The following SLC41A3 variants were observed in gnomAD, a reference collection of about 807,000 sequenced individuals.
SLC41A3 encodes solute carrier family 41 member 3.
A neutral mutation model predicts 45.4 loss-of-function variants in SLC41A3; 44 were observed. That is an observed-to-expected ratio of 0.97 (90% CI 0.76 to 1.25). The LOEUF is 1.25. Ranked by LOEUF, SLC41A3 falls within the 50% of genes most tolerant of loss-of-function variation. The pLI is 0.00. For missense variants in SLC41A3, 550 were observed against 600.6 expected (o/e 0.92, Z 0.88); for synonymous variants, 256 against 252.4 (o/e 1.01, Z -0.13).
intron 1 of SLC41A3, among the ~76,000 whole-genome samples, chr3:126,070,690 A>G (rs961934374): frequency 2.0e-5 from 3 of 152,190 alleles, no homozygotes; most frequent in Non-Finnish European, 4.4e-5. Flanking sequence ...TTTCAGATAA[A>G]CAGACACAGA....
At chr3:126,064,650 G>T (rs1178430588) in intron 2 of SLC41A3, among the ~76,000 whole-genome samples, 1 of 152,076 alleles carries the variant, frequency 6.6e-6, no homozygotes, top group Non-Finnish European at 1.5e-5. Flanking sequence ...TTCTCTCTCT[G>T]CCCACATGAA....
intron 2 of SLC41A3, among the ~76,000 whole-genome samples, chr3:126,054,940 G>A (rs1453675019): frequency 2.0e-5 from 3 of 152,078 alleles, no homozygotes; most frequent in East Asian, 3.9e-4. Context: ...CTAATGGGGG[G>A]CTGGCCAGGA....
chr3:126,059,310 G>GAAAGAAAGAAAAGAAAGAGAAA (rs1553740822), intron 2 of SLC41A3, among the ~76,000 whole-genome samples: 1 of 88,080 alleles, frequency 1.1e-5, no homozygotes, highest in African/African-American at 4.4e-5. Flanking sequence ...AAGAAAGAAA[G>GAAAGAAAGAAAAGAAAGAGAAA]GAAGGATGAT....
chr3:126,060,931 G>A (rs1399762172), intron 2 of SLC41A3, among the ~76,000 whole-genome samples: 3 of 152,226 alleles, frequency 2.0e-5, no homozygotes, highest in Non-Finnish European at 4.4e-5. Flanking sequence ...AGGAGCTTCT[G>A]CAACAGGCCG....
Position 126,006,558 on chromosome 3 carries a change from C to A in SLC41A3, c.*458G>T. ...CACAGCAGCAGTGTGGCCCACGGAG[C>A]TTGAACCTGGTGAAGACAGCAAGTA... On this transcript the variant is annotated 3_prime_UTR_variant, in exon 11 of 11. Coordinates refer to ENST00000360370, the MANE Select transcript of SLC41A3 (RefSeq NM_017836.4). 1 of 1,598,950 alleles carries A rather than the reference C, an allele frequency of 6.3e-7. No individual in the cohort carries two copies. The highest frequency in any genetic ancestry group is 1.1e-5 in the South Asian group (1 of 87,452).
At chr3:126,048,043 A>C (rs1392952971) in intron 3 of SLC41A3, among the ~76,000 whole-genome samples, 2 of 152,202 alleles carry the variant, frequency 1.3e-5, no homozygotes, top group Non-Finnish European at 2.9e-5. Context: ...ACAACCAAAA[A>C]AACTAATTAA....
At chr3:126,080,625 C>A (rs369734669) in intron 1 of SLC41A3, among the ~76,000 whole-genome samples, 1 of 152,152 alleles carries the variant, frequency 6.6e-6, no homozygotes, top group Non-Finnish European at 1.5e-5. Flanking sequence ...CTAGTTCAGC[C>A]ACTATGGAGA....
chr3:126,066,572 G>A (rs527841350), intron 2 of SLC41A3, among the ~76,000 whole-genome samples: 1 of 152,288 alleles, frequency 6.6e-6, no homozygotes, highest in South Asian at 2.1e-4. Context: ...TGAGTGTTGG[G>A]AACAAGCATT....
At position 126,026,450 on chromosome 3, in the gene SLC41A3, A is replaced by G; in HGVS notation, c.483T>C (p.Ala161=). ...CGCCCAACAGCAGCGCAGCCACAGC[A>G]GCCAAGAGCCCCACGACAGTGGCCT... ...QVQATVVGLL[A]AVAALLLGVV... is the part of the protein sequence containing the mutation. The change falls in exon 5 of 11, where the codon GCT becomes GCC. Residue 161 remains alanine, a synonymous_variant. Transcript: ENST00000360370. This position sits in a 1 kb window ranked among gnomAD's most constrained non-coding sequence, Gnocchi z 4.2. The G allele has an allele frequency of 6.2e-7, 1 of 1,604,044 alleles. No individual in the cohort carries two copies. The highest frequency in any genetic ancestry group is 1.1e-5 in the South Asian group (1 of 89,012).
chr3:126,086,020 T>A (rs1945380121), upstream of SLC41A3, among the ~76,000 whole-genome samples: 1 of 152,162 alleles, frequency 6.6e-6, no homozygotes, highest in Non-Finnish European at 1.5e-5. Flanking sequence ...TGGTGACACA[T>A]GGTGGGGTCC....
chr3:126,057,142 G>A, intron 2 of SLC41A3: 1 of 985,420 alleles, frequency 1.0e-6, no homozygotes, highest in Non-Finnish European at 1.2e-6. Flanking sequence ...TATTCCTCAA[G>A]GTCAAGCAGT....
At chr3:126,051,457 A>G (rs1320953397) in intron 2 of SLC41A3, among the ~76,000 whole-genome samples, 3 of 152,142 alleles carry the variant, frequency 2.0e-5, no homozygotes, top group Non-Finnish European at 4.4e-5. Context: ...CCGGGGATCA[A>G]CGATCTTCAC....
At chr3:126,097,495 G>A (rs146532891) in intron 1 of SLC41A3, among the ~76,000 whole-genome samples, 3 of 152,084 alleles carry the variant, frequency 2.0e-5, no homozygotes, top group African/African-American at 2.4e-5. Flanking sequence ...ATCCTACCCC[G>A]CTCATGCCTA....
At chr3:126,044,746 A>C (rs920059243) in intron 3 of SLC41A3, among the ~76,000 whole-genome samples, 2 of 151,574 alleles carry the variant, frequency 1.3e-5, no homozygotes, top group Non-Finnish European at 2.9e-5. Flanking sequence ...ATACAAAAAA[A>C]TTAGCCGGGC....
chr3:126,068,785 G>C lies in SLC41A3; in HGVS notation c.-27-539C>G, dbSNP rs115261185. Among the ~76,000 whole-genome samples, 673 of 152,264 alleles carry C rather than the reference G, an allele frequency of 4.4e-3. 5 individuals are homozygous for C. Among genetic ancestry groups the C allele is most frequent in the African/African-American group, 0.015 (615 of 41,562 alleles). On this transcript the variant is annotated intron_variant, in intron 1 of 10. Coordinates refer to ENST00000360370, the MANE Select transcript of SLC41A3 (RefSeq NM_017836.4). The stretch of plus-strand genomic sequence containing the variant: ...GCCAGCAGCCTGAAGGGCATGACAA[G>C]GCTGGAGTTCTTACAAGTCCCCATG...
At chr3:126,011,416 G>A (rs1384994096) in intron 9 of SLC41A3, among the ~76,000 whole-genome samples, 1 of 152,178 alleles carries the variant, frequency 6.6e-6, no homozygotes, top group African/African-American at 2.4e-5. Context: ...AACAAGGAGA[G>A]TAATAGACTT....
chr3:126,022,330 G>C (rs570886451), intron 6 of SLC41A3, among the ~76,000 whole-genome samples: 2 of 152,334 alleles, frequency 1.3e-5, no homozygotes, highest in East Asian at 3.9e-4. Context: ...TTGCTTTAGT[G>C]TATTTGCTTA....
intron 1 of SLC41A3, among the ~76,000 whole-genome samples, chr3:126,082,459 C>T (rs116780312): frequency 0.052 from 7,906 of 152,260 alleles, 644 homozygotes; most frequent in African/African-American, 0.17. Context: ...GGCCGAGAAA[C>T]CCTGCTATGG....
At chr3:126,050,416 G>A (rs1943251155) in intron 3 of SLC41A3, among the ~76,000 whole-genome samples, 1 of 152,342 alleles carries the variant, frequency 6.6e-6, no homozygotes, top group East Asian at 1.9e-4. Flanking sequence ...GGGAAGGTGT[G>A]AGAAGAGCTG....
Sources: allele counts gnomAD v4.1 joint callset (sites outside exome capture counted in the v4.1 genomes callset), GRCh38; gene constraint gnomAD v4.1.1; non-coding constraint Gnocchi (gnomAD v3.1); transcripts MANE v1.5; gene names NCBI Gene and HGNC (gene_info 2026-07-23, HGNC 2026-07-21).